Variants in CHN2 observed in about 807,000 individuals in gnomAD.
CHN2 encodes chimerin 2, also known as beta-chimaerin.
A neutral mutation model predicts 56.3 loss-of-function variants in CHN2; 35 were observed. The ratio of observed to expected loss-of-function variants is 0.62; its 90% CI spans 0.47 to 0.82. The LOEUF (loss-of-function observed/expected upper bound fraction) is 0.82. Among genes scored for constraint, CHN2 ranks in the 40% least tolerant of loss-of-function variants. CHN2 has a pLI of 0.00. For missense variants in CHN2, 491 were observed against 580.5 expected, an observed-to-expected ratio of 0.85 and a Z score of 1.58; for synonymous variants, 210 against 212.8, an observed-to-expected ratio of 0.99 and a Z score of 0.12.
intron 2 of CHN2, among the ~76,000 whole-genome samples, chr7:29,148,096 G>C (rs537135302): frequency 2.6e-5 from 4 of 152,168 alleles, no homozygotes; most frequent in Non-Finnish European, 5.9e-5. Context: ...AGCAATGTTC[G>C]CCCATGGGAG....
intron 1 of CHN2, among the ~76,000 whole-genome samples, chr7:29,286,513 G>C (rs1182662466): frequency 6.6e-6 from 1 of 152,180 alleles, no homozygotes; most frequent in Admixed American, 6.5e-5. Context: ...GGGCAGGGGC[G>C]AAGCCAGCGT....
chr7:29,437,865 G>A (rs907918868), intron 6 of CHN2, among the ~76,000 whole-genome samples: 1 of 152,046 alleles, frequency 6.6e-6, no homozygotes, highest in Non-Finnish European at 1.5e-5. Context: ...GAGCCCAGAG[G>A]GGTCAGAGCA....
chr7:29,457,677 T>G (rs1019333787), intron 6 of CHN2, among the ~76,000 whole-genome samples: 1 of 152,204 alleles, frequency 6.6e-6, no homozygotes, highest in Admixed American at 6.5e-5. Context: ...AGCATTTAAA[T>G]GAGTATCAGG....
Position 29,351,423 on chromosome 7 carries a change from A to G in CHN2, c.50-3202A>G, listed in dbSNP as rs1360484805. On this transcript the variant is annotated intron_variant, in intron 1 of 12. Transcript: ENST00000222792. ...ATTCTTGCTTTTATGGAGTTTGGCT[A>G]ATAGAGGATGAGAGCAGTCATAACA... Among the ~76,000 whole-genome samples, 4 of 152,328 alleles carry G rather than the reference A, an allele frequency of 2.6e-5. No individual in the cohort carries two copies. The East Asian group carries it at 7.7e-4, about 29-fold the overall frequency.
chr7:29,213,212 G>A, intron 1 of CHN2: 1 of 1,167,836 alleles, frequency 8.6e-7, no homozygotes, highest in Admixed American at 1.7e-5. Flanking sequence ...CTGAAGATGT[G>A]TGAAGATGAG....
intron 6 of CHN2, chr7:29,480,073 C>T: frequency 6.5e-7 from 1 of 1,549,984 alleles, no homozygotes; most frequent in Non-Finnish European, 8.7e-7. Flanking sequence ...TTCCTGGGCT[C>T]TGCAGAGCAA....
At chr7:29,209,708 A>C (rs150752027) in intron 1 of CHN2, among the ~76,000 whole-genome samples, 1 of 152,170 alleles carries the variant, frequency 6.6e-6, no homozygotes. Context: ...GCCGCTTGCT[A>C]TGGGAGGGAA....
In CHN2 at chr7:29,461,869, T is replaced by A. The variant is rs79509960; in HGVS notation, c.577-18410T>A. ...ATGGATGGATGGATGGATGGATGGA[T>A]GGAAGGAAGAGAGAGGATGCAAAGT... On this transcript the variant is annotated intron_variant, in intron 6 of 12. Coordinates refer to ENST00000222792, the MANE Select transcript of CHN2 (RefSeq NM_004067.4). Among the ~76,000 whole-genome samples, 525 of 129,354 alleles carry A rather than the reference T, an allele frequency of 4.1e-3. 2 individuals carry two copies. Among genetic ancestry groups the A allele is most frequent in the African/African-American group, 0.013 (372 of 28,740 alleles). 84.9% of individuals were successfully genotyped at this position (129,354 alleles called of 152,430 possible). A position where few individuals can be genotyped will look rare whatever the true frequency, so the allele number is the denominator to read the frequency against.
intron 12 of CHN2, among the ~76,000 whole-genome samples, chr7:29,511,929 G>A (rs1035677986): frequency 3.9e-5 from 6 of 152,250 alleles, no homozygotes; most frequent in Middle Eastern, 3.4e-3. Context: ...CCTGGATGTC[G>A]AAATGATTTT....
At chr7:29,437,270 G>C (rs574736888) in intron 6 of CHN2, among the ~76,000 whole-genome samples, 17 of 152,168 alleles carry the variant, frequency 1.1e-4, no homozygotes, top group Admixed American at 4.6e-4. Flanking sequence ...GATTTCCAAG[G>C]CCATATGCTG....
chr7:29,213,190 C>G (rs918063767), intron 1 of CHN2: 1 of 1,307,276 alleles, frequency 7.6e-7, no homozygotes, highest in African/African-American at 1.4e-5. Context: ...AACTACTCCA[C>G]GAACACGCAA....
At chr7:29,314,664 G>A (rs933646378) in intron 1 of CHN2, among the ~76,000 whole-genome samples, 2 of 152,110 alleles carry the variant, frequency 1.3e-5, no homozygotes, top group African/African-American at 4.8e-5. Context: ...CAAGAAGTGA[G>A]AGTTCACTGA....
intron 9 of CHN2, 48 bp from the exon 10 acceptor site, chr7:29,504,696 T>TTA (rs1261762321): frequency 2.4e-6 from 3 of 1,237,106 alleles, no homozygotes; most frequent in Non-Finnish European, 3.5e-6. Context: ...TTTTTTTTTT[T>TTA]AGATGTTTCA....
chr7:29,473,336 G>A (rs768376718), intron 6 of CHN2, among the ~76,000 whole-genome samples: 5 of 152,114 alleles, frequency 3.3e-5, no homozygotes, highest in Non-Finnish European at 5.9e-5. Flanking sequence ...AGATTAGTGT[G>A]GTCAGTCTCA....
intron 6 of CHN2, among the ~76,000 whole-genome samples, chr7:29,431,868 G>A (rs1782881624): frequency 6.6e-6 from 1 of 152,224 alleles, no homozygotes; most frequent in African/African-American, 2.4e-5. Context: ...TAACCTTCCA[G>A]ATGGTCCTGA....
rs559037647 is a variant in CHN2 at position 29,331,237 on chromosome 7, A to T, written c.50-23388A>T. Among the ~76,000 whole-genome samples, 5 of 152,324 alleles carry T rather than the reference A, an allele frequency of 3.3e-5. No homozygotes were observed. In the South Asian group the frequency reaches 8.3e-4, roughly 25 times the overall value. ...GGCACACTCAGCTGGGATGTTGAAG[A>T]GCAGTTAATGGAGGGTCTGTTGACA... On this transcript the variant is annotated intron_variant, in intron 1 of 12. Coordinates refer to ENST00000222792, the MANE Select transcript of CHN2 (RefSeq NM_004067.4).
intron 1 of CHN2, among the ~76,000 whole-genome samples, chr7:29,269,615 G>C (rs1006105130): frequency 6.6e-6 from 1 of 152,128 alleles, no homozygotes; most frequent in Non-Finnish European, 1.5e-5. Flanking sequence ...TCAGTTTTTT[G>C]AGGAAACTTC....
At chr7:29,494,022 G>C (rs937290530) in intron 7 of CHN2, among the ~76,000 whole-genome samples, 5 of 152,096 alleles carry the variant, frequency 3.3e-5, no homozygotes, top group African/African-American at 1.2e-4. Flanking sequence ...CGCAACTTTT[G>C]GTGTTCTGGC....
intron 1 of CHN2, among the ~76,000 whole-genome samples, chr7:29,253,822 T>C (rs1257284570): frequency 6.6e-6 from 1 of 152,264 alleles, no homozygotes; most frequent in African/African-American, 2.4e-5. Flanking sequence ...TGATGGTGTC[T>C]GTTATTTTGA....
Sources: allele counts gnomAD v4.1 joint callset (sites outside exome capture counted in the v4.1 genomes callset), GRCh38; gene constraint gnomAD v4.1.1; transcripts MANE v1.5; gene names NCBI Gene and HGNC (gene_info 2026-07-23, HGNC 2026-07-21).